The following EXOC6B variants were observed in gnomAD, a reference collection of about 807,000 sequenced individuals.
EXOC6B encodes the protein exocyst complex component 6B.
In EXOC6B, 54 loss-of-function variants were observed where a neutral mutation model predicts 113.5. That is an observed-to-expected ratio of 0.48 (90% CI 0.38 to 0.60). The LOEUF is 0.60. Ranked by LOEUF, EXOC6B falls within the 20% of genes least tolerant of loss-of-function variation. The pLI, the probability that EXOC6B is intolerant of heterozygous loss-of-function variation, is 0.00. For synonymous variants in EXOC6B, 357 were observed against 339.0 expected (o/e 1.05, Z -0.58); for missense variants, 797 against 977.5 (o/e 0.82, Z 2.46).
intron 1 of EXOC6B, among the ~76,000 whole-genome samples, chr2:72,815,284 G>T (rs1258046168): frequency 6.6e-6 from 1 of 152,044 alleles, no homozygotes; most frequent in Non-Finnish European, 1.5e-5. Context: ...GAGCCCAGGA[G>T]TTCGACAGCA....
intron 10 of EXOC6B, 86 bp downstream of exon 10, chr2:72,514,548 A>G: frequency 4.5e-6 from 1 of 222,790 alleles, no homozygotes; most frequent in African/African-American, 2.4e-5. Flanking sequence ...AACATTCACA[A>G]CTCTATGTAT....
At chr2:72,243,652 T>C (rs554507503) in intron 20 of EXOC6B, among the ~76,000 whole-genome samples, 83 of 152,224 alleles carry the variant, frequency 5.5e-4, no homozygotes, top group Non-Finnish European at 9.7e-4. Context: ...GAATGACAAA[T>C]TAATGGGTGC....
intron 6 of EXOC6B, among the ~76,000 whole-genome samples, chr2:72,580,809 G>A (rs978525776): frequency 6.6e-6 from 1 of 152,168 alleles, no homozygotes; most frequent in African/African-American, 2.4e-5. Flanking sequence ...GCACAATCTG[G>A]AAGTAAAACA....
chr2:72,347,535 C>T (rs1041074082), intron 19 of EXOC6B, among the ~76,000 whole-genome samples: 9 of 152,014 alleles, frequency 5.9e-5, no homozygotes, highest in African/African-American at 2.2e-4. Context: ...ATGTAAACCA[C>T]ATGAGTAATT....
chr2:72,300,242 G>A (rs1425719123), intron 20 of EXOC6B, among the ~76,000 whole-genome samples: 1 of 152,190 alleles, frequency 6.6e-6, no homozygotes, highest in Non-Finnish European at 1.5e-5. Context: ...AATCTAGAGA[G>A]GCAGTCTGGC....
chr2:72,764,128 T>A (rs1347179093), intron 1 of EXOC6B, among the ~76,000 whole-genome samples: 3 of 152,046 alleles, frequency 2.0e-5, no homozygotes. Flanking sequence ...CATTTTCCCT[T>A]TATCCATTTT....
intron 8 of EXOC6B, among the ~76,000 whole-genome samples, chr2:72,517,800 T>C (rs1201435483): frequency 2.0e-5 from 3 of 152,190 alleles, no homozygotes; most frequent in Non-Finnish European, 4.4e-5. Flanking sequence ...CTCATTTAAT[T>C]TTTTGTTATA....
At chr2:72,714,463 C>A (rs1161941443) in intron 6 of EXOC6B, among the ~76,000 whole-genome samples, 1 of 152,164 alleles carries the variant, frequency 6.6e-6, no homozygotes, top group African/African-American at 2.4e-5. Flanking sequence ...TCGCTTTCTG[C>A]TTTTGGCAAG....
At chr2:72,206,444 T>C (rs1679844123) in intron 20 of EXOC6B, among the ~76,000 whole-genome samples, 1 of 152,214 alleles carries the variant, frequency 6.6e-6, no homozygotes, top group Non-Finnish European at 1.5e-5. Context: ...ATCAGTTCCT[T>C]AGATTTATCC....
intron 20 of EXOC6B, among the ~76,000 whole-genome samples, chr2:72,299,346 T>C (rs1339515097): frequency 3.3e-5 from 5 of 151,980 alleles, no homozygotes; most frequent in Non-Finnish European, 5.9e-5. Flanking sequence ...AGTTCATTTA[T>C]GTTCTTCTCT....
At chr2:72,566,012 G>GTT (rs532606461) in intron 7 of EXOC6B, among the ~76,000 whole-genome samples, 2 of 143,758 alleles carry the variant, frequency 1.4e-5, no homozygotes, top group African/African-American at 5.1e-5. Context: ...GTTTTGTTTT[G>GTT]TTTTTTTTTT....
At chr2:72,609,943 G>C (rs1382369812) in intron 6 of EXOC6B, among the ~76,000 whole-genome samples, 1 of 152,090 alleles carries the variant, frequency 6.6e-6, no homozygotes, top group Non-Finnish European at 1.5e-5. Context: ...AATGAAATCA[G>C]TAGACAATAA....
intron 6 of EXOC6B, among the ~76,000 whole-genome samples, chr2:72,633,607 T>C (rs1288600958): frequency 6.6e-6 from 1 of 152,144 alleles, no homozygotes; most frequent in Non-Finnish European, 1.5e-5. Context: ...AGAGAAAGAA[T>C]AATATTTGCC....
chr2:72,461,465 C>T (rs1490838703), intron 18 of EXOC6B: 1 of 151,150 alleles, frequency 6.6e-6, no homozygotes, highest in African/African-American at 2.4e-5. Flanking sequence ...AATAAGATCA[C>T]ATCTCTTTTT....
intron 20 of EXOC6B, among the ~76,000 whole-genome samples, chr2:72,290,811 T>A (rs951416732): frequency 1.3e-5 from 2 of 152,028 alleles, no homozygotes; most frequent in Admixed American, 6.6e-5. Flanking sequence ...CAATAAAACA[T>A]TACAGTTAGA....
intron 20 of EXOC6B, among the ~76,000 whole-genome samples, chr2:72,293,942 A>G (rs979058122): frequency 1.3e-5 from 2 of 152,180 alleles, no homozygotes; most frequent in Admixed American, 6.5e-5. Context: ...TTCCAGAGGA[A>G]AAGAATATTT....
At chr2:72,466,277 G>A (rs1197203226) in intron 17 of EXOC6B, among the ~76,000 whole-genome samples, 4 of 151,094 alleles carry the variant, frequency 2.6e-5, no homozygotes, top group South Asian at 2.1e-4. Flanking sequence ...CCCAGGAGGC[G>A]GAGGTTGCAG....
At chr2:72,672,162 T>C (rs1335831806) in intron 6 of EXOC6B, among the ~76,000 whole-genome samples, 4 of 127,488 alleles carry the variant, frequency 3.1e-5, no homozygotes, top group East Asian at 2.3e-4. Context: ...AGAACAGAAC[T>C]ACCATATGAG....
At chr2:72,292,619 T>C (rs1443218175) in intron 20 of EXOC6B, among the ~76,000 whole-genome samples, 1 of 152,042 alleles carries the variant, frequency 6.6e-6, no homozygotes, top group Admixed American at 6.6e-5. Context: ...ATCACAACAA[T>C]CAGAATATGC....
Sources: gnomAD v4.1 joint callset for allele counts (sites outside exome capture counted in the v4.1 genomes callset) on GRCh38, gnomAD v4.1.1 for gene constraint, MANE v1.5 for transcripts, NCBI Gene and HGNC (gene_info 2026-07-23, HGNC 2026-07-21) for gene names.